The following UNC13B variants were observed in gnomAD, a reference collection of about 807,000 sequenced individuals.
The protein encoded by UNC13B is protein unc-13 homolog B.
A neutral mutation model predicts 211.0 loss-of-function variants in UNC13B; 144 were observed. The ratio of observed to expected loss-of-function variants is 0.68; its 90% confidence interval spans 0.60 to 0.78. The LOEUF is 0.78. Among genes scored for constraint, UNC13B ranks in the 30% least tolerant of loss-of-function variants. UNC13B has a pLI of 0.00. For missense variants in UNC13B, 1,777 were observed against 2,002.0 expected (o/e 0.89, Z 2.14); for synonymous variants, 709 against 725.8 (o/e 0.98, Z 0.37).
chr9:35,398,529 C>G, intron 31 of UNC13B, 25 bp from the exon 32 acceptor site: 1 of 1,611,422 alleles, frequency 6.2e-7, no homozygotes, highest in Non-Finnish European at 8.5e-7. Context: ...AGCAGCCTAG[C>G]CAGGCTTACC....
In UNC13B at chr9:35,403,932, C is replaced by G. The variant is rs143085052; in HGVS notation, c.12922C>G (p.Leu4308Val). Residue 4308 changes from leucine to valine, a missense_variant, in exon 40 of 40, where the codon CTG becomes GTG. Coordinates refer to ENST00000635942, the MANE Select transcript of UNC13B (RefSeq NM_001371189.2). ...GRKIHMDETGLTILRILSQRS... is the reference protein window; with the variant it reads ...GRKIHMDETGVTILRILSQRS... ...GAAGATCCATATGGATGAGACAGGC[C>G]TGACCATTCTCCGGATTTTATCTCA... 1 of 1,614,140 alleles carries G rather than the reference C, an allele frequency of 6.2e-7. No homozygotes were observed. The highest frequency in any genetic ancestry group is 1.3e-5 in the African/African-American group (1 of 75,010).
chr9:35,249,724 A>G (rs948701894), intron 6 of UNC13B, among the ~76,000 whole-genome samples: 26 of 152,262 alleles, frequency 1.7e-4, no homozygotes, highest in African/African-American at 3.1e-4. Context: ...CGAGAGATCC[A>G]CTGTTAGTCT....
rs750588825 is a variant in UNC13B at position 35,381,572 on chromosome 9, T to A, written c.10508T>A (p.Leu3503His). Residue 3503 changes from leucine to histidine, a missense_variant, in exon 20 of 40, where the codon CTC (leucine) becomes CAC (histidine). Transcript: ENST00000635942. The stretch of plus-strand genomic sequence containing the variant: ...CTCCTGCAGAATCTTTTCCATTACC[T>A]CACAGACATTCAGGGCAGTGGAGGA... ...TCLHENLFHY[L>H]TDIQGSGGVR... 2.5e-6 allele frequency: 4 copies of A among 1,613,776 alleles called. No homozygotes were observed. In the African/African-American group the frequency reaches 5.3e-5, roughly 22 times the overall value.
chr9:35,269,058 T>G (rs1348704834), intron 7 of UNC13B, among the ~76,000 whole-genome samples: 1 of 152,206 alleles, frequency 6.6e-6, no homozygotes, highest in Non-Finnish European at 1.5e-5. Context: ...CATGACTTAA[T>G]TCTGACACTA....
At chr9:35,205,986 C>A (rs768263100) in intron 1 of UNC13B, among the ~76,000 whole-genome samples, 71 of 151,892 alleles carry the variant, frequency 4.7e-4, no homozygotes, top group Non-Finnish European at 7.9e-4. Context: ...GAGTTTGAGA[C>A]CAGGTTGGGC....
Position 35,385,759 on chromosome 9 carries a change from G to A in UNC13B, c.10911G>A (p.Gln3637=). The change falls in exon 23 of 40, where the codon CAG becomes CAA. Residue 3637 remains glutamine, a synonymous_variant. Coordinates refer to ENST00000635942, the MANE Select transcript of UNC13B (RefSeq NM_001371189.2). Reference sequence around the variant, plus strand: ...CTGCTGGGAGTCCTGAACGGCTTCAGGACTTAAAATCCACAGTGGATTTGC... The same window carrying A: ...CTGCTGGGAGTCCTGAACGGCTTCAAGACTTAAAATCCACAGTGGATTTGC... ...NFPAGSPERL[Q]DLKSTVDLLT... is the part of the protein sequence containing the mutation. 1 of 1,610,094 alleles carries A rather than the reference G, an allele frequency of 6.2e-7. No individual in the cohort carries two copies. The highest frequency in any genetic ancestry group is 1.1e-5 in the South Asian group (1 of 90,922).
chr9:35,243,382 T>A lies in UNC13B; in HGVS notation c.468+18T>A. ...ACAATGAGGTAGGAGCAGCCTTATT[T>A]GCAGTATAGAGAGATGGGGGAAAAT... is the stretch of plus-strand genomic sequence containing the variant. On this transcript the variant is annotated intron_variant, in intron 6 of 39. Transcript: ENST00000635942. The A allele has an allele frequency of 2.5e-6, 4 of 1,613,202 alleles. No homozygotes were observed. Among genetic ancestry groups the A allele is most frequent in the Non-Finnish European group, 3.4e-6 (4 of 1,179,416 alleles).
chr9:35,391,712 C>G (rs1835547735), intron 26 of UNC13B, among the ~76,000 whole-genome samples: 1 of 152,192 alleles, frequency 6.6e-6, no homozygotes, highest in Non-Finnish European at 1.5e-5. Flanking sequence ...TCTTGAAGAA[C>G]TCTGGCTCCA....
intron 25 of UNC13B, 42 bp downstream of exon 25, chr9:35,390,015 CT>C: frequency 7.5e-6 from 12 of 1,606,928 alleles, no homozygotes; most frequent in Non-Finnish European, 1.0e-5. Flanking sequence ...GGTGGTTGGT[CT>C]GTCCATCTGT....
chr9:35,357,490 A>T (rs889640652), intron 11 of UNC13B, among the ~76,000 whole-genome samples: 1 of 151,192 alleles, frequency 6.6e-6, no homozygotes. Context: ...CCCTTATCAG[A>T]TATATTATTT....
intron 7 of UNC13B, among the ~76,000 whole-genome samples, chr9:35,276,332 G>A (rs985761839): frequency 2.0e-5 from 3 of 150,742 alleles, no homozygotes; most frequent in African/African-American, 7.3e-5. Flanking sequence ...AAAGGCATAG[G>A]GAATAGATGG....
chr9:35,164,341 A>G (rs888011621), intron 1 of UNC13B, among the ~76,000 whole-genome samples: 13 of 152,240 alleles, frequency 8.5e-5, no homozygotes, highest in South Asian at 4.1e-4. Flanking sequence ...CTAAAATGAC[A>G]TTCCTTGCGT....
chr9:35,290,516 T>C (rs1011630009), intron 7 of UNC13B, among the ~76,000 whole-genome samples: 2 of 151,512 alleles, frequency 1.3e-5, no homozygotes, highest in African/African-American at 4.9e-5. Context: ...GAGATAAACA[T>C]TGCCATTCTT....
chr9:35,340,487 C>T (rs1161284601), intron 11 of UNC13B, among the ~76,000 whole-genome samples: 1 of 152,140 alleles, frequency 6.6e-6, no homozygotes, highest in African/African-American at 2.4e-5. Flanking sequence ...TAAAGGGCTG[C>T]CTGTTCTGCA....
intron 1 of UNC13B, among the ~76,000 whole-genome samples, chr9:35,169,026 A>G (rs1372191564): frequency 6.6e-6 from 1 of 152,098 alleles, no homozygotes; most frequent in Non-Finnish European, 1.5e-5. Context: ...AACAGGACCA[A>G]GTTGATTTAT....
intron 1 of UNC13B, among the ~76,000 whole-genome samples, chr9:35,197,414 G>C (rs1823005956): frequency 6.6e-6 from 1 of 151,698 alleles, no homozygotes; most frequent in Admixed American, 6.6e-5. Context: ...CACCATGTTG[G>C]CCAGGCTGGT....
At chr9:35,224,967 G>C (rs1271708424) in intron 1 of UNC13B, among the ~76,000 whole-genome samples, 2 of 151,402 alleles carry the variant, frequency 1.3e-5, no homozygotes, top group African/African-American at 2.4e-5. Context: ...AAAGGCGTTT[G>C]ATAAAATTCA....
At position 35,380,549 on chromosome 9, in the gene UNC13B, C is replaced by T. The variant is rs1488629237; in HGVS notation, c.10285C>T (p.Arg3429Cys). The stretch of plus-strand genomic sequence containing the variant: ...TGACATCAAGTCAAGAGTAAAGCAA[C>T]GCCTAAAGCGAGAGTCTGATGATTT... ...DDDIKSRVKQRLKRESDDFLG... is the reference protein window; with the variant it reads ...DDDIKSRVKQCLKRESDDFLG... The change falls in exon 18 of 40, where the codon CGC becomes TGC. Residue 3429 changes from arginine to cysteine, a missense_variant. Coordinates refer to ENST00000635942, the MANE Select transcript of UNC13B (RefSeq NM_001371189.2). The T allele has an allele frequency of 1.2e-5, 20 of 1,614,060 alleles. No homozygotes were observed. The highest frequency in any genetic ancestry group is 1.7e-5 in the Admixed American group (1 of 59,996).
intron 7 of UNC13B, among the ~76,000 whole-genome samples, chr9:35,274,852 A>G (rs911719655): frequency 1.3e-5 from 2 of 152,138 alleles, no homozygotes; most frequent in South Asian, 2.1e-4. Context: ...GTGCTCCCCC[A>G]TAAAAGAGAT....
Sources: gnomAD v4.1 joint callset for allele counts (sites outside exome capture counted in the v4.1 genomes callset) on GRCh38, gnomAD v4.1.1 for gene constraint, MANE v1.5 for transcripts, NCBI Gene and HGNC (gene_info 2026-07-23, HGNC 2026-07-21) for gene names.